DEUP1: variants seen among roughly 807,000 people sequenced by gnomAD.
The protein encoded by DEUP1 is deuterosome assembly protein 1.
A neutral mutation model predicts 87.4 loss-of-function variants in DEUP1; 82 were observed. The observed-to-expected ratio is 0.94, with a 90% CI of 0.78 to 1.13. DEUP1 has a LOEUF of 1.13. Among genes scored for constraint, DEUP1 ranks in the 50% most tolerant of loss-of-function variants. The pLI, the probability that DEUP1 is intolerant of heterozygous loss-of-function variation, is 0.00. For missense variants in DEUP1, 663 were observed against 681.5 expected, an observed-to-expected ratio of 0.97 and a Z score of 0.30; for synonymous variants, 214 against 222.7, an observed-to-expected ratio of 0.96 and a Z score of 0.35.
chr11:93,390,400 G>C (rs1166669721), intron 9 of DEUP1, among the ~76,000 whole-genome samples: 3 of 152,148 alleles, frequency 2.0e-5, no homozygotes, highest in Non-Finnish European at 2.9e-5. Flanking sequence ...AGAGTTGACT[G>C]TCAGAGAACT....
At chr11:93,393,051 C>CTCCTCCTCCTCCTCCTTCTTCTTCTCT (rs1946819332) in intron 9 of DEUP1, among the ~76,000 whole-genome samples, 1 of 140,634 alleles carries the variant, frequency 7.1e-6, no homozygotes, top group Non-Finnish European at 1.5e-5. Flanking sequence ...CTACTTCTTT[C>CTCCTCCTCCTCCTCCTTCTTCTTCTCT]TCCTCCTCCT....
At chr11:93,331,644 A>G (rs1428315474) in intron 1 of DEUP1, among the ~76,000 whole-genome samples, 4 of 152,182 alleles carry the variant, frequency 2.6e-5, no homozygotes, top group Non-Finnish European at 5.9e-5. Flanking sequence ...ATTCTGTTTT[A>G]CTCATTCTCA....
rs1377021352 is a variant in DEUP1 at position 93,355,496 on chromosome 11, A to G, written c.155A>G (p.Gln52Arg). 3 of 1,613,864 alleles carry G rather than the reference A, an allele frequency of 1.9e-6. No individual in the cohort carries two copies. Among genetic ancestry groups the G allele is most frequent in the Non-Finnish European group, 2.5e-6 (3 of 1,179,818 alleles). ...GAGACACGATTAGATCTTCGGGATC[A>G]AGAATTGGCAAATGCACAAACTTGT... The part of the protein sequence containing the change: ...ALETRLDLRD[Q>R]ELANAQTCLD... Residue 52 changes from glutamine to arginine, a missense_variant, in exon 3 of 14, where the codon CAA (glutamine) becomes CGA (arginine). Coordinates refer to ENST00000298050, the MANE Select transcript of DEUP1 (RefSeq NM_181645.4).
At chr11:93,428,078 G>T (rs1947985832) in intron 13 of DEUP1, among the ~76,000 whole-genome samples, 1 of 152,022 alleles carries the variant, frequency 6.6e-6, no homozygotes, top group African/African-American at 2.4e-5. Flanking sequence ...ATTCCTCAGG[G>T]ATCTAGAACT....
intron 2 of DEUP1, among the ~76,000 whole-genome samples, chr11:93,344,862 C>CTT (rs1035221872): frequency 1.4e-5 from 2 of 142,386 alleles, no homozygotes; most frequent in Non-Finnish European, 1.5e-5. Context: ...TTTTTTTTAA[C>CTT]TTTTTTTTTT....
chr11:93,360,841 G>A (rs995158020), intron 4 of DEUP1, among the ~76,000 whole-genome samples: 3 of 146,698 alleles, frequency 2.0e-5, no homozygotes, highest in South Asian at 2.2e-4. Flanking sequence ...AGAAGGAGAG[G>A]AGAAAGATGG....
intron 13 of DEUP1, among the ~76,000 whole-genome samples, chr11:93,415,727 A>G (rs7949899): frequency 0.076 from 11,511 of 151,880 alleles, 1,384 homozygotes; most frequent in African/African-American, 0.25. Flanking sequence ...ATGATATCAT[A>G]TGATATATAT....
chr11:93,355,703 C>CA (rs1486565110), intron 3 of DEUP1, among the ~76,000 whole-genome samples, 161 bp downstream of exon 3: 1 of 152,090 alleles, frequency 6.6e-6, no homozygotes, highest in Non-Finnish European at 1.5e-5. Context: ...TGTATTATAT[C>CA]AAATAAGTGA....
At chr11:93,405,313 A>G (rs988961057) in intron 11 of DEUP1, among the ~76,000 whole-genome samples, 6 of 151,778 alleles carry the variant, frequency 4.0e-5, no homozygotes, top group African/African-American at 1.5e-4. Context: ...TAGAATAAGC[A>G]CTCCTTTATC....
In DEUP1 at chr11:93,394,439, C is replaced by T. The variant is rs745332203; in HGVS notation, c.1042-20C>T. On this transcript the variant is annotated intron_variant, in intron 9 of 13. Coordinates refer to ENST00000298050, the MANE Select transcript of DEUP1 (RefSeq NM_181645.4). The stretch of plus-strand genomic sequence containing the variant: ...TAAATAAAAGGATTCAATAATATTT[C>T]CAGTCTCTATCTGCTGCAGATAAGA... The T allele has an allele frequency of 2.7e-6, 4 of 1,501,134 alleles. No individual in the cohort carries two copies. In the East Asian group the frequency reaches 9.6e-5, roughly 36 times the overall value. 93.0% of individuals were successfully genotyped at this position (1,501,134 alleles called of 1,614,324 possible).
At chr11:93,345,695 TG>T (rs1248529014) in intron 2 of DEUP1, among the ~76,000 whole-genome samples, 2 of 152,164 alleles carry the variant, frequency 1.3e-5, no homozygotes, top group Non-Finnish European at 2.9e-5. Flanking sequence ...ATTTTCTAAA[TG>T]GGGTTGTTTG....
At chr11:93,428,448 G>C (rs1443092486) in intron 13 of DEUP1, among the ~76,000 whole-genome samples, 1 of 151,596 alleles carries the variant, frequency 6.6e-6, no homozygotes, top group Non-Finnish European at 1.5e-5. Context: ...ACTGTTGTGG[G>C]GTGGGGGGAG....
intron 2 of DEUP1, among the ~76,000 whole-genome samples, chr11:93,340,957 C>A (rs1944038712): frequency 6.6e-6 from 1 of 152,206 alleles, no homozygotes; most frequent in African/African-American, 2.4e-5. Flanking sequence ...CTTATTGTTT[C>A]AAGATAGCTG....
At chr11:93,416,757 A>G (rs10765609) in intron 13 of DEUP1, among the ~76,000 whole-genome samples, 124,907 of 149,820 alleles carry the variant, frequency 0.83, 52,207 homozygotes, top group East Asian at 0.91. Flanking sequence ...TATCCTTGAT[A>G]AACATTGATG....
At position 93,371,288 on chromosome 11, in the gene DEUP1, T is replaced by C. The variant is rs1373223230; in HGVS notation, c.789+8T>C. ...TACCAAAGACAGTGCCAGGTGAAGA[T>C]TAATTTTTTTTCAACTAATATTGTC... On this transcript the variant is annotated splice_region_variant and intron_variant, in intron 7 of 13. Transcript: ENST00000298050. 4 of 1,606,332 alleles carry C rather than the reference T, an allele frequency of 2.5e-6. No individual in the cohort carries two copies. Among genetic ancestry groups the C allele is most frequent in the Non-Finnish European group, 3.4e-6 (4 of 1,176,822 alleles).
chr11:93,409,010 C>T (rs937050258), intron 12 of DEUP1, among the ~76,000 whole-genome samples: 1 of 152,110 alleles, frequency 6.6e-6, no homozygotes, highest in East Asian at 1.9e-4. Flanking sequence ...GCCCCCGCCA[C>T]TACACCCGGA....
At chr11:93,360,180 A>C (rs1468386572) in intron 4 of DEUP1, among the ~76,000 whole-genome samples, 1 of 152,112 alleles carries the variant, frequency 6.6e-6, no homozygotes, top group Non-Finnish European at 1.5e-5. Context: ...ACTAGTGGGG[A>C]GCCTGAACTC....
At chr11:93,399,145 T>G (rs1401687464) in intron 11 of DEUP1, among the ~76,000 whole-genome samples, 1 of 152,090 alleles carries the variant, frequency 6.6e-6, no homozygotes, top group Non-Finnish European at 1.5e-5. Context: ...CTTCTGAGTT[T>G]CCTTCCTTGA....
intron 13 of DEUP1, among the ~76,000 whole-genome samples, chr11:93,432,008 T>A (rs1565356291): frequency 6.6e-6 from 1 of 152,190 alleles, no homozygotes. Context: ...GTGAATCTGA[T>A]ATTCGAGGGA....
Sources: allele counts gnomAD v4.1 joint callset (sites outside exome capture counted in the v4.1 genomes callset), GRCh38; gene constraint gnomAD v4.1.1; transcripts MANE v1.5; gene names NCBI Gene and HGNC (gene_info 2026-07-23, HGNC 2026-07-21).